EPB41L5: variants seen among roughly 807,000 people sequenced by gnomAD.
The protein encoded by EPB41L5 is band 4.1-like protein 5.
In EPB41L5, 55 loss-of-function variants were observed where a neutral mutation model predicts 106.6. That is an observed-to-expected ratio of 0.52 (90% CI 0.42 to 0.65). The LOEUF (loss-of-function observed/expected upper bound fraction) is 0.65, where lower values mean the gene tolerates loss of function less well. Ranked by LOEUF, EPB41L5 falls within the 30% of genes least tolerant of loss-of-function variation. The pLI is 0.00. For synonymous variants in EPB41L5, 297 were observed against 306.7 expected, an observed-to-expected ratio of 0.97 and a Z score of 0.33; for missense variants, 871 against 882.1, an observed-to-expected ratio of 0.99 and a Z score of 0.16.
At chr2:120,060,961 T>A (rs1680999289) in intron 3 of EPB41L5, among the ~76,000 whole-genome samples, 1 of 150,304 alleles carries the variant, frequency 6.7e-6, no homozygotes, top group Admixed American at 6.7e-5. Context: ...TCCTCAAAAA[T>A]ATATATCTGT....
intron 16 of EPB41L5, among the ~76,000 whole-genome samples, chr2:120,120,838 A>G (rs1344527783): frequency 2.6e-5 from 4 of 152,198 alleles, no homozygotes; most frequent in Non-Finnish European, 4.4e-5. Flanking sequence ...ATTTTAGGCC[A>G]GGTACAGTGG....
intron 20 of EPB41L5, among the ~76,000 whole-genome samples, chr2:120,149,855 T>A (rs1686588864): frequency 6.6e-6 from 1 of 151,658 alleles, no homozygotes; most frequent in Non-Finnish European, 1.5e-5. Flanking sequence ...TGAGTGAGGG[T>A]TTTTATTTCT....
At chr2:120,077,914 T>C (rs1682364667) in intron 9 of EPB41L5, among the ~76,000 whole-genome samples, 1 of 152,240 alleles carries the variant, frequency 6.6e-6, no homozygotes, top group East Asian at 1.9e-4. Flanking sequence ...CTTATAATCA[T>C]TGGGCAACGT....
intron 21 of EPB41L5, among the ~76,000 whole-genome samples, chr2:120,163,268 C>G (rs1397551210): frequency 5.0e-5 from 7 of 140,432 alleles, no homozygotes; most frequent in South Asian, 2.6e-4. Flanking sequence ...GCCCCCCCCC[C>G]CCCCAAAAAA....
chr2:120,068,304 G>A (rs1021957145), intron 3 of EPB41L5, among the ~76,000 whole-genome samples: 4 of 152,190 alleles, frequency 2.6e-5, no homozygotes, highest in African/African-American at 9.7e-5. Context: ...AGATTCCCTC[G>A]GGTGCCTACG....
chr2:120,135,792 A>C (rs2105478834), intron 18 of EPB41L5, among the ~76,000 whole-genome samples: 1 of 152,258 alleles, frequency 6.6e-6, no homozygotes, highest in East Asian at 1.9e-4. Context: ...TCCCAGACAA[A>C]CAAAAGCTGA....
chr2:120,076,929 T>C, intron 7 of EPB41L5, 42 bp from the exon 8 acceptor site: 1 of 1,523,020 alleles, frequency 6.6e-7, no homozygotes, highest in Non-Finnish European at 8.8e-7. Flanking sequence ...TTTGAAGGAT[T>C]TAGCAGGAAA....
intron 2 of EPB41L5, among the ~76,000 whole-genome samples, chr2:120,034,084 G>A (rs894133368): frequency 7.2e-5 from 11 of 152,194 alleles, no homozygotes; most frequent in African/African-American, 2.7e-4. Context: ...CAACAGAGTT[G>A]TCCTGTCTGA....
At chr2:120,028,439 G>A (rs535067365) in intron 2 of EPB41L5, among the ~76,000 whole-genome samples, 26 of 152,236 alleles carry the variant, frequency 1.7e-4, no homozygotes, top group African/African-American at 6.0e-4. Flanking sequence ...GAAGGCTGGA[G>A]GTGAGAGGAT....
intron 21 of EPB41L5, among the ~76,000 whole-genome samples, chr2:120,161,807 G>T (rs1342456694): frequency 6.6e-6 from 1 of 152,120 alleles, no homozygotes; most frequent in Non-Finnish European, 1.5e-5. Flanking sequence ...AAACCCTACT[G>T]TGAACTGTGC....
At chr2:120,164,940 A>G in intron 22 of EPB41L5, 30 bp downstream of exon 22, 2 of 1,501,068 alleles carry the variant, frequency 1.3e-6, no homozygotes, top group Non-Finnish European at 1.8e-6. Flanking sequence ...GTATGATGGA[A>G]AGAAATTTCT....
At chr2:120,128,003 A>G (rs557623589) in intron 17 of EPB41L5, 152 bp downstream of exon 17, 17 of 557,056 alleles carry the variant, frequency 3.1e-5, no homozygotes, top group African/African-American at 5.7e-5. Flanking sequence ...TTTTGACTTA[A>G]GGTAACACTG....
intron 14 of EPB41L5, among the ~76,000 whole-genome samples, chr2:120,098,993 TAGTG>T (rs2105391013): frequency 6.6e-6 from 1 of 152,358 alleles, no homozygotes; most frequent in South Asian, 2.1e-4. Flanking sequence ...TGATAATTGG[TAGTG>T]ATTTACTTTT....
intron 24 of EPB41L5, among the ~76,000 whole-genome samples, chr2:120,171,307 T>C (rs1201963781): frequency 6.6e-6 from 1 of 152,216 alleles, no homozygotes; most frequent in Non-Finnish European, 1.5e-5. Flanking sequence ...AACGAAATTG[T>C]AGGTACCAGA....
intron 3 of EPB41L5, among the ~76,000 whole-genome samples, chr2:120,050,725 A>T (rs1419610637): frequency 6.6e-6 from 1 of 152,030 alleles, no homozygotes; most frequent in East Asian, 1.9e-4. Flanking sequence ...TTGGAGGGGG[A>T]GAGGCGCTCT....
chr2:120,102,886 G>A (rs968981233), intron 16 of EPB41L5, among the ~76,000 whole-genome samples: 1 of 152,180 alleles, frequency 6.6e-6, no homozygotes, highest in Non-Finnish European at 1.5e-5. Flanking sequence ...AAACTGAATA[G>A]TGTTTAGAAA....
intron 3 of EPB41L5, among the ~76,000 whole-genome samples, chr2:120,061,679 A>T (rs947265271): frequency 1.3e-5 from 2 of 152,188 alleles, no homozygotes; most frequent in African/African-American, 4.8e-5. Context: ...AAAGAAAAAT[A>T]AGTTAGTTAG....
intron 2 of EPB41L5, among the ~76,000 whole-genome samples, chr2:120,022,045 A>G (rs1224183499): frequency 1.3e-5 from 2 of 152,192 alleles, no homozygotes; most frequent in Non-Finnish European, 2.9e-5. Context: ...TTTCTATCTA[A>G]TTTTTAAGTT....
At chr2:120,128,257 A>ACACACACACG (rs1491101908) in intron 17 of EPB41L5, among the ~76,000 whole-genome samples, 15 of 21,808 alleles carry the variant, frequency 6.9e-4, no homozygotes, top group African/African-American at 1.1e-3. Flanking sequence ...GTGCTTTAAA[A>ACACACACACG]CACACACACA....
Sources: allele counts gnomAD v4.1 joint callset (sites outside exome capture counted in the v4.1 genomes callset), GRCh38; gene constraint gnomAD v4.1.1; transcripts MANE v1.5; gene names NCBI Gene and HGNC (gene_info 2026-07-23, HGNC 2026-07-21).